TRPS1: variants seen among roughly 807,000 people sequenced by gnomAD.
TRPS1 encodes the protein zinc finger transcription factor Trps1.
In TRPS1, 6 loss-of-function variants were observed where a neutral mutation model predicts 101.2. That is an observed-to-expected ratio of 0.06 (90% CI 0.03 to 0.12). TRPS1 has a LOEUF of 0.12. TRPS1 is among the 10% of genes least tolerant of loss of function. TRPS1 has a pLI of 1.00. For missense variants in TRPS1, 1,363 were observed against 1,567.0 expected (o/e 0.87, Z 2.20); for synonymous variants, 578 against 589.8 (o/e 0.98, Z 0.29).
At chr8:115,574,346 C>T (rs1334103015) in intron 5 of TRPS1, among the ~76,000 whole-genome samples, 5 of 152,060 alleles carry the variant, frequency 3.3e-5, no homozygotes, top group Admixed American at 1.3e-4. Context: ...CATATGAATA[C>T]CAATATATTT....
chr8:115,456,030 C>CA (rs1011887098), intron 5 of TRPS1, among the ~76,000 whole-genome samples: 3 of 151,996 alleles, frequency 2.0e-5, no homozygotes, highest in African/African-American at 7.3e-5. Context: ...ATGATCCGCC[C>CA]GCCTAGGCCT....
At chr8:115,591,810 T>C (rs1037947573) in intron 4 of TRPS1, among the ~76,000 whole-genome samples, 3 of 152,202 alleles carry the variant, frequency 2.0e-5, no homozygotes, top group Non-Finnish European at 4.4e-5. Context: ...AACAAGGTTG[T>C]AAAAACAAGC....
At chr8:115,485,482 T>C (rs553060807) in intron 5 of TRPS1, among the ~76,000 whole-genome samples, 1 of 152,354 alleles carries the variant, frequency 6.6e-6, no homozygotes, top group South Asian at 2.1e-4. Context: ...TTTAAGCTGC[T>C]ACATTTGTAG....
At chr8:115,598,809 T>C (rs1290111119) in intron 4 of TRPS1, among the ~76,000 whole-genome samples, 2 of 152,354 alleles carry the variant, frequency 1.3e-5, no homozygotes, top group African/African-American at 2.4e-5. Context: ...CCAGTTTCCA[T>C]TGTTGCTAAT....
chr8:115,552,849 C>T (rs561245579), intron 5 of TRPS1, among the ~76,000 whole-genome samples: 6 of 152,120 alleles, frequency 3.9e-5, no homozygotes, highest in African/African-American at 1.2e-4. Context: ...TCCCCCCACC[C>T]CCTAAAGCCC....
intron 4 of TRPS1, among the ~76,000 whole-genome samples, chr8:115,599,783 C>A (rs750897207): frequency 2.6e-5 from 4 of 152,064 alleles, no homozygotes; most frequent in Non-Finnish European, 5.9e-5. Flanking sequence ...CTATTGTGAA[C>A]AATGGTACAA....
intron 5 of TRPS1, among the ~76,000 whole-genome samples, chr8:115,522,519 G>T (rs1474888000): frequency 6.6e-6 from 1 of 152,036 alleles, no homozygotes; most frequent in African/African-American, 2.4e-5. Flanking sequence ...ATATGAAAAG[G>T]TATGGTGAAA....
At chr8:115,428,537 AACAT>A (rs1337690781) in intron 5 of TRPS1, among the ~76,000 whole-genome samples, 1 of 152,234 alleles carries the variant, frequency 6.6e-6, no homozygotes, top group Admixed American at 6.5e-5. Context: ...AAACAACAAA[AACAT>A]ACGGGAATAC....
intron 5 of TRPS1, among the ~76,000 whole-genome samples, chr8:115,569,987 A>G (rs1197287184): frequency 6.6e-5 from 10 of 152,082 alleles, no homozygotes. Context: ...TTGAACTGAA[A>G]CTTTTAAAAC....
intron 5 of TRPS1, among the ~76,000 whole-genome samples, chr8:115,465,878 T>A (rs1814305170): frequency 6.6e-6 from 1 of 152,052 alleles, no homozygotes; most frequent in Non-Finnish European, 1.5e-5. Flanking sequence ...ATAGGAAAAT[T>A]TAAAATTAAA....
intron 5 of TRPS1, among the ~76,000 whole-genome samples, chr8:115,529,736 A>T (rs1286726951): frequency 6.6e-6 from 1 of 152,102 alleles, no homozygotes; most frequent in Non-Finnish European, 1.5e-5. Flanking sequence ...TTTTGTGCCA[A>T]CAATGCCCAC....
rs74686542 is a variant in TRPS1 at position 115,558,090 on chromosome 8, G to GA, written c.2700+28910dup. On this transcript the variant is annotated intron_variant, in intron 5 of 6. Transcript: ENST00000395715. ...TAAGCTCAATTCACAAAACAGACAG[G>GA]AAAAAAAAAAAAAAGGCTTTGCATT... 4.5e-3 allele frequency among the ~76,000 whole-genome samples: 566 copies of GA among 124,482 alleles called. 5 individuals carry two copies. The highest frequency in any genetic ancestry group is 0.022 in the Middle Eastern group (5 of 232). 81.7% of individuals were successfully genotyped at this position (124,482 alleles called of 152,430 possible).
At chr8:115,639,105 C>A (rs1466561590) in intron 1 of TRPS1, among the ~76,000 whole-genome samples, 2 of 152,108 alleles carry the variant, frequency 1.3e-5, no homozygotes, top group Non-Finnish European at 2.9e-5. Flanking sequence ...GCTCTGTTGT[C>A]CCAGCTAGAG....
chr8:115,410,100 A>G lies in TRPS1; in HGVS notation c.*3923T>C, dbSNP rs966997641. The G allele has an allele frequency of 1.3e-5, 2 of 151,966 alleles. No individual in the cohort carries two copies. The highest frequency in any genetic ancestry group is 6.6e-5 in the Admixed American group (1 of 15,216). 9.4% of individuals were successfully genotyped at this position (151,966 alleles called of 1,614,324 possible). A position where few individuals can be genotyped will look rare whatever the true frequency, so the allele number is the denominator to read the frequency against. The stretch of plus-strand genomic sequence containing the variant: ...GAAATGCATTAATTTTATTTACTAA[A>G]CAGGGCAGCAGTTCACAGGTCTCAA... On this transcript the variant is annotated 3_prime_UTR_variant, in exon 7 of 7. Transcript: ENST00000395715.
chr8:115,462,083 G>A (rs1200151056), intron 5 of TRPS1, among the ~76,000 whole-genome samples: 1 of 152,080 alleles, frequency 6.6e-6, no homozygotes, highest in Admixed American at 6.6e-5. Flanking sequence ...ACAGAGCAAG[G>A]CTTATGGCCA....
intron 5 of TRPS1, among the ~76,000 whole-genome samples, chr8:115,535,245 CATATATAGCATATATATAGCAT>C (rs755117098): frequency 2.9e-5 from 1 of 35,054 alleles, no homozygotes; most frequent in African/African-American, 1.3e-4. Context: ...GCATATATAG[CATATATAGCATATATATAGCAT>C]ATATATAGCA....
chr8:115,524,477 C>G (rs563230252), intron 5 of TRPS1, among the ~76,000 whole-genome samples: 3 of 151,972 alleles, frequency 2.0e-5, no homozygotes, highest in African/African-American at 7.2e-5. Context: ...TGCGCCACCA[C>G]GCCCAGCTAA....
chr8:115,614,479 T>C lies in TRPS1; in HGVS notation c.966+4653A>G, dbSNP rs373418532. ...GAACTATTCTACTAGGGTGGCTACA[T>C]TATTTAGCTCTGCCATCTCCACTGA... is the stretch of plus-strand genomic sequence containing the variant. On this transcript the variant is annotated intron_variant, in intron 3 of 6. Coordinates refer to ENST00000395715, the MANE Select transcript of TRPS1 (RefSeq NM_014112.5). Among the ~76,000 whole-genome samples the C allele has an allele frequency of 2.1e-4, 32 of 152,330 alleles. No homozygotes were observed. The East Asian group carries it at 2.9e-3, about 14-fold the overall frequency.
At chr8:115,455,913 T>C (rs1019600677) in intron 5 of TRPS1, among the ~76,000 whole-genome samples, 1 of 151,418 alleles carries the variant, frequency 6.6e-6, no homozygotes. Flanking sequence ...GCCTCCCAAG[T>C]AGCTGGGACT....
Sources: gnomAD v4.1 joint callset for allele counts (sites outside exome capture counted in the v4.1 genomes callset) on GRCh38, gnomAD v4.1.1 for gene constraint, MANE v1.5 for transcripts, NCBI Gene and HGNC (gene_info 2026-07-23, HGNC 2026-07-21) for gene names.